Variants in WDR41 observed in about 807,000 individuals in gnomAD.
WDR41 encodes WD repeat domain 41.
WDR41 carries 63 observed loss-of-function variants against 69.3 expected under a neutral mutation model. The ratio of observed to expected loss-of-function variants is 0.91; its 90% CI spans 0.74 to 1.12. The LOEUF (loss-of-function observed/expected upper bound fraction) is 1.12, where lower values mean the gene tolerates loss of function less well. WDR41 is among the 50% of genes most tolerant of loss of function. The pLI is 0.00. For missense variants in WDR41, 543 were observed against 534.5 expected (o/e 1.02, Z -0.16); for synonymous variants, 185 against 192.1 (o/e 0.96, Z 0.31).
At chr5:77,617,432 T>C (rs1744698463) in intron 1 of WDR41, among the ~76,000 whole-genome samples, 1 of 152,196 alleles carries the variant, frequency 6.6e-6, no homozygotes, top group African/African-American at 2.4e-5. Flanking sequence ...TTAATAGTGC[T>C]TAACTCTGGG....
At chr5:77,573,712 G>A (rs998435105) in intron 1 of WDR41, among the ~76,000 whole-genome samples, 60 of 152,134 alleles carry the variant, frequency 3.9e-4, no homozygotes, top group Admixed American at 3.7e-3. Context: ...GGGGGAAGGA[G>A]ATTAAAAGAG....
chr5:77,526,601 C>T (rs1529431), intron 1 of WDR41, among the ~76,000 whole-genome samples: 74,427 of 151,816 alleles, frequency 0.49, 19,541 homozygotes, highest in African/African-American at 0.69. Flanking sequence ...CTAATCCTGA[C>T]CCCAGCCATA....
chr5:77,596,801 A>C (rs1278498404), intron 1 of WDR41, among the ~76,000 whole-genome samples: 1 of 152,172 alleles, frequency 6.6e-6, no homozygotes, highest in Non-Finnish European at 1.5e-5. Context: ...AAAAAGGTAG[A>C]TAACATCTTG....
Position 77,608,991 on chromosome 5 carries a change from C to T in WDR41, c.42+11488G>A, listed in dbSNP as rs191171304. ...CCGACGGGCTTAAAAAACGGCGCAC[C>T]GGGAGATTATATCCCGCACCTGGCT... On this transcript the variant is annotated intron_variant, in intron 1 of 5. Transcript: ENST00000509971. Among the ~76,000 whole-genome samples the T allele has an allele frequency of 1.1e-3, 161 of 152,298 alleles. 2 individuals carry two copies. Among genetic ancestry groups the T allele is most frequent in the African/African-American group, 3.7e-3 (152 of 41,558 alleles).
At chr5:77,568,425 C>A (rs572764990) in intron 1 of WDR41, among the ~76,000 whole-genome samples, 1 of 152,212 alleles carries the variant, frequency 6.6e-6, no homozygotes, top group African/African-American at 2.4e-5. Context: ...CCAAAATAAC[C>A]CATTCTTCCT....
intron 1 of WDR41, among the ~76,000 whole-genome samples, chr5:77,565,828 C>T (rs908881462): frequency 7.9e-5 from 12 of 152,104 alleles, no homozygotes; most frequent in African/African-American, 2.7e-4. Context: ...TCTCCATAGA[C>T]AGAGTGTAAA....
At chr5:77,561,374 A>G (rs752345705) in intron 1 of WDR41, among the ~76,000 whole-genome samples, 97 of 152,266 alleles carry the variant, frequency 6.4e-4, no homozygotes, top group Admixed American at 4.4e-3. Context: ...CTTCTTATTA[A>G]CCTAGATAAT....
intron 2 of WDR41, among the ~76,000 whole-genome samples, chr5:77,475,182 G>C (rs187733988): frequency 5.9e-5 from 9 of 152,176 alleles, no homozygotes; most frequent in African/African-American, 1.7e-4. Flanking sequence ...ACAGAGTCTC[G>C]CTAATTGCTA....
chr5:77,584,161 G>A (rs1366702152), intron 1 of WDR41, among the ~76,000 whole-genome samples: 1 of 152,046 alleles, frequency 6.6e-6, no homozygotes, highest in African/African-American at 2.4e-5. Context: ...TGGATGTTTT[G>A]TTCCTAAGAT....
chr5:77,588,196 T>C (rs941992823), intron 1 of WDR41, among the ~76,000 whole-genome samples: 1 of 152,208 alleles, frequency 6.6e-6, no homozygotes, highest in East Asian at 1.9e-4. Flanking sequence ...TTGTCATATA[T>C]ATGCATTATA....
chr5:77,447,301 T>G (rs1282465035), intron 8 of WDR41, among the ~76,000 whole-genome samples: 1 of 152,194 alleles, frequency 6.6e-6, no homozygotes, highest in African/African-American at 2.4e-5. Context: ...GGAAGAACAT[T>G]TTTACACTGT....
intron 1 of WDR41, among the ~76,000 whole-genome samples, chr5:77,578,953 TA>T (rs974831315): frequency 1.4e-4 from 20 of 147,722 alleles, no homozygotes; most frequent in African/African-American, 4.7e-4. Flanking sequence ...ATAGAAACTA[TA>T]AAAAAGAGTC....
At chr5:77,608,137 G>A (rs141212315) in intron 1 of WDR41, among the ~76,000 whole-genome samples, 443 of 152,232 alleles carry the variant, frequency 2.9e-3, no homozygotes, top group African/African-American at 0.01. Flanking sequence ...AAATTTGACT[G>A]CTCCAGGTAC....
chr5:77,582,396 G>C (rs975994614), intron 1 of WDR41: 15 of 1,610,674 alleles, frequency 9.3e-6, no homozygotes, highest in Non-Finnish European at 1.2e-5. Flanking sequence ...TAGAAGAGAA[G>C]AAGAAGGAGG....
chr5:77,588,853 C>T (rs1744085254), intron 1 of WDR41, among the ~76,000 whole-genome samples: 1 of 152,196 alleles, frequency 6.6e-6, no homozygotes, highest in African/African-American at 2.4e-5. Flanking sequence ...GCTAACAGCA[C>T]TGTATGCCTA....
rs765785617 is a variant in WDR41 at position 77,598,644 on chromosome 5, C to CTTTTTTTTTTTT, written c.42+21834_42+21835insAAAAAAAAAAAA. 8.2e-5 allele frequency among the ~76,000 whole-genome samples: 10 copies of CTTTTTTTTTTTT among 121,358 alleles called. 1 individual carries two copies. Among genetic ancestry groups the CTTTTTTTTTTTT allele is most frequent in the Non-Finnish European group, 1.1e-4 (6 of 57,108 alleles). The allele number at this position is 121,358 out of a possible 152,430, so 79.6% of individuals were successfully genotyped here. ...GAAGTTATGTGAATCAGTAAGTTTC[C>CTTTTTTTTTTTT]TTTTTTTTTTTGTTTTTTTTGTAGC... On this transcript the variant is annotated intron_variant, in intron 1 of 5. Coordinates refer to the WDR41 transcript ENST00000509971.
At chr5:77,487,380 T>G (rs1035935529) in intron 2 of WDR41, among the ~76,000 whole-genome samples, 9 of 152,164 alleles carry the variant, frequency 5.9e-5, no homozygotes, top group African/African-American at 2.2e-4. Flanking sequence ...AATGACCACT[T>G]TAATAAATGG....
intron 1 of WDR41, among the ~76,000 whole-genome samples, chr5:77,557,233 A>G (rs1743420126): frequency 6.6e-6 from 1 of 152,216 alleles, no homozygotes; most frequent in Non-Finnish European, 1.5e-5. Flanking sequence ...ATTTAACTCT[A>G]GTATATTAAA....
chr5:77,608,276 T>C (rs1279196800), intron 1 of WDR41, among the ~76,000 whole-genome samples: 1 of 152,206 alleles, frequency 6.6e-6, no homozygotes, highest in Non-Finnish European at 1.5e-5. Flanking sequence ...CCGAATAATA[T>C]TCCATTGTAA....
Sources: allele counts gnomAD v4.1 joint callset (sites outside exome capture counted in the v4.1 genomes callset), GRCh38; gene constraint gnomAD v4.1.1; transcripts MANE v1.5; gene names NCBI Gene and HGNC (gene_info 2026-07-23, HGNC 2026-07-21).